Variants in MYOM2 observed in about 807,000 individuals in gnomAD.
MYOM2 encodes myomesin-2.
In MYOM2, 254 loss-of-function variants were observed where a neutral mutation model predicts 187.6. The ratio of observed to expected loss-of-function variants is 1.35; its 90% CI spans 1.22 to 1.50. MYOM2 has a LOEUF of 1.50. MYOM2 is among the 40% of genes most tolerant of loss of function. The pLI, the probability that MYOM2 is intolerant of heterozygous loss-of-function variation, is 0.00. For synonymous variants in MYOM2, 981 were observed against 753.8 expected, an observed-to-expected ratio of 1.30 and a Z score of -4.94; for missense variants, 2,796 against 1,924.0, an observed-to-expected ratio of 1.45 and a Z score of -8.48.
intron 28 of MYOM2, among the ~76,000 whole-genome samples, chr8:2,118,501 T>A (rs1797320845): frequency 1.3e-5 from 2 of 152,182 alleles, no homozygotes; most frequent in African/African-American, 4.8e-5. Context: ...CCAAACTAGT[T>A]TCTTATTGTC....
rs1818853316 is a variant in MYOM2, at chr8:2,061,593, C to G, written c.653+2348C>G. On this transcript the variant is annotated intron_variant, in intron 6 of 36. Coordinates refer to ENST00000262113, the MANE Select transcript of MYOM2 (RefSeq NM_003970.4). ...GGTGCCCCTCCCCGAGTCAGGGGGT[C>G]CACCAGCTCCTCTGTGTGTGGGACT... Among the ~76,000 whole-genome samples, 4 of 152,066 alleles carry G rather than the reference C, an allele frequency of 2.6e-5. No homozygotes were observed. In the South Asian group the frequency reaches 8.3e-4, roughly 32 times the overall value.
chr8:2,057,291 G>A lies in MYOM2; in HGVS notation c.264-57G>A, dbSNP rs1384104656. The A allele has an allele frequency of 8.4e-6, 13 of 1,554,098 alleles. 1 individual carries two copies. Among genetic ancestry groups the A allele is most frequent in the Admixed American group, 4.1e-5 (2 of 48,852 alleles). On this transcript the variant is annotated intron_variant, in intron 3 of 36. Coordinates refer to ENST00000262113, the MANE Select transcript of MYOM2 (RefSeq NM_003970.4). The stretch of plus-strand genomic sequence containing the variant: ...GGGCATGCCCTTTCCGGCCTTCGGG[G>A]GCCACGTGGTTTTCTTCGTGACTCC...
At chr8:2,070,235 A>G (rs1819166932) in intron 8 of MYOM2, among the ~76,000 whole-genome samples, 1 of 152,208 alleles carries the variant, frequency 6.6e-6, no homozygotes, top group Admixed American at 6.5e-5. Flanking sequence ...CTTCCCAGGA[A>G]GGAACCGTAC....
intron 17 of MYOM2, among the ~76,000 whole-genome samples, chr8:2,095,198 T>A (rs1796437550): frequency 6.6e-6 from 1 of 152,182 alleles, no homozygotes; most frequent in Non-Finnish European, 1.5e-5. Flanking sequence ...ACTCTTTTGT[T>A]TTAAGATTAA....
chr8:2,073,622 G>A, intron 10 of MYOM2, 122 bp downstream of exon 10: 1 of 1,219,896 alleles, frequency 8.2e-7, no homozygotes, highest in Non-Finnish European at 1.1e-6. Context: ...TTTGCTCCTT[G>A]GAGACCCCAT....
chr8:2,130,692 T>C (rs549457175), intron 32 of MYOM2, among the ~76,000 whole-genome samples: 1 of 152,334 alleles, frequency 6.6e-6, no homozygotes, highest in South Asian at 2.1e-4. Context: ...GCCTGGTTTA[T>C]TCAAACTCAA....
rs117165873 is a variant in MYOM2, at chr8:2,106,287, A to C, written c.2780A>C (p.Tyr927Ser). ...GGTGTCGATGAACAAGGCAACATCTATCTGGGCTTCGACTGCCAGGAAATG... is the reference window on the plus strand; with the variant it reads ...GGTGTCGATGAACAAGGCAACATCTCTCTGGGCTTCGACTGCCAGGAAATG... ...SAGVDEQGNI[Y>S]LGFDCQEMTD... Residue 927 changes from tyrosine (Y) to serine (S), a missense_variant, in exon 22 of 37, where the codon TAT becomes TCT. Physicochemically the swap from Tyr to Ser is moderately radical, Grantham distance 144 (BLOSUM62 -2). Transcript: ENST00000262113. 1.2e-6 allele frequency: 2 copies of C among 1,614,188 alleles called. No homozygotes were observed. Among genetic ancestry groups the C allele is most frequent in the Admixed American group, 3.3e-5 (2 of 60,028 alleles).
intron 18 of MYOM2, chr8:2,097,163 C>G: frequency 2.1e-6 from 2 of 939,962 alleles, no homozygotes; most frequent in Non-Finnish European, 2.5e-6. Flanking sequence ...CTTAGAAGAT[C>G]TAATCTTTGT....
chr8:2,118,063 G>C (rs746589471), intron 28 of MYOM2, 111 bp downstream of exon 28: 8 of 899,204 alleles, frequency 8.9e-6, no homozygotes, highest in African/African-American at 1.7e-5. Flanking sequence ...GAGGAAACGT[G>C]TGGTGCCTGT....
At chr8:2,103,604 A>G (rs11774879) in intron 21 of MYOM2, among the ~76,000 whole-genome samples, 98,608 of 140,554 alleles carry the variant, frequency 0.7, 33,901 homozygotes, top group African/African-American at 0.89. Flanking sequence ...ATATGTGTAT[A>G]TATGTAGAGG....
At position 2,126,783 on chromosome 8, in the gene MYOM2, TGGAGGCTGGGGGAGCACTGGG is replaced by T. The variant is rs1563073916; in HGVS notation, c.3695-2335_3695-2315del. Among the ~76,000 whole-genome samples the T allele has an allele frequency of 7.5e-4, 4 of 5,330 alleles. 1 individual carries two copies. The highest frequency in any genetic ancestry group is 0.01 in the East Asian group (2 of 200). The allele number at this position is 5,330 out of a possible 152,430, so 3.5% of individuals were successfully genotyped here. ...ATGGGGGAGTACTAGGAGAGGCTGA[TGGAGGCTGGGGGAGCACTGGG>T]GGAGGCTGATAAAGTCTGGGGGAGC... On this transcript the variant is annotated intron_variant, in intron 31 of 36. Coordinates refer to ENST00000262113, the MANE Select transcript of MYOM2 (RefSeq NM_003970.4).
intron 18 of MYOM2, chr8:2,098,231 G>A (rs1397466480): frequency 6.6e-6 from 1 of 152,260 alleles, no homozygotes; most frequent in African/African-American, 2.4e-5. Context: ...TACCCAGATA[G>A]CGTTTTTGTG....
chr8:2,112,409 T>A (rs1797097506), intron 25 of MYOM2, among the ~76,000 whole-genome samples: 1 of 136,020 alleles, frequency 7.4e-6, no homozygotes, highest in Non-Finnish European at 1.6e-5. Flanking sequence ...GGGGTGGGGG[T>A]CAGGGATGGG....
Position 2,101,066 on chromosome 8 carries a change from C to T in MYOM2, c.2619+12C>T, listed in dbSNP as rs762468332. The stretch of plus-strand genomic sequence containing the variant: ...GCCGTTATTTAAAGGTAAGTCTTGG[C>T]CGGCTGTGGTGGCTCATGCCTGTAA... On this transcript the variant is annotated intron_variant, in intron 20 of 36. Coordinates refer to ENST00000262113, the MANE Select transcript of MYOM2 (RefSeq NM_003970.4). The T allele has an allele frequency of 9.9e-6, 16 of 1,612,906 alleles. No homozygotes were observed. The East Asian group carries it at 1.1e-4, about 11-fold the overall frequency.
chr8:2,099,111 G>A, intron 19 of MYOM2, 128 bp downstream of exon 19: 1 of 1,246,766 alleles, frequency 8.0e-7, no homozygotes, highest in Non-Finnish European at 1.1e-6. Context: ...CGCAGCCGCA[G>A]AGCCACCGTG....
rs61732774 is a variant in MYOM2 at position 2,090,051 on chromosome 8, C to T, written c.1688C>T (p.Thr563Met). The T allele has an allele frequency of 4.2e-3, 6,857 of 1,614,026 alleles. 21 individuals are homozygous for T. Among genetic ancestry groups the T allele is most frequent in the Non-Finnish European group, 5.1e-3 (6,070 of 1,179,988 alleles). ...SGSWQRVNAQ[T>M]AVRSPRYAVF... ...AGCTGGCAGAGAGTCAACGCCCAGA[C>T]GGCTGTGAGATCCCCGAGATATGCC... The change falls in exon 15 of 37, where the codon ACG (threonine) becomes ATG (methionine). Residue 563 changes from threonine (T) to methionine (M), a missense_variant. Thr to Met is a moderately conservative substitution (Grantham distance 81). Coordinates refer to ENST00000262113, the MANE Select transcript of MYOM2 (RefSeq NM_003970.4).
rs1242711766 is a variant in MYOM2, at chr8:2,140,749, A to G, written c.3827A>G (p.His1276Arg). The G allele has an allele frequency of 5.6e-6, 9 of 1,614,012 alleles. No homozygotes were observed. Among genetic ancestry groups the G allele is most frequent in the South Asian group, 3.3e-5 (3 of 91,078 alleles). ...HKDAKISSSE[H>R]MRIGGSEEMA... ...GATGCTAAGATCTCATCCAGTGAGC[A>G]TATGAGAATCGGGGGGAGTGAAGAG... Residue 1276 changes from histidine to arginine, a missense_variant, in exon 33 of 37, where the codon CAT becomes CGT. Transcript: ENST00000262113.
chr8:2,060,284 G>A (rs1818809010), intron 6 of MYOM2, among the ~76,000 whole-genome samples: 1 of 152,112 alleles, frequency 6.6e-6, no homozygotes, highest in Non-Finnish European at 1.5e-5. Flanking sequence ...TTTACCATGT[G>A]ACTTTGAATA....
intron 1 of MYOM2, among the ~76,000 whole-genome samples, chr8:2,048,487 C>A (rs1045941183): frequency 1.3e-5 from 2 of 152,186 alleles, no homozygotes; most frequent in South Asian, 2.1e-4. Flanking sequence ...TCTCAGATAC[C>A]TTTTCCTGTC....
Sources: gnomAD v4.1 joint callset for allele counts (sites outside exome capture counted in the v4.1 genomes callset) on GRCh38, gnomAD v4.1.1 for gene constraint, MANE v1.5 for transcripts, NCBI Gene and HGNC (gene_info 2026-07-23, HGNC 2026-07-21) for gene names.